TFPI: variants seen among roughly 807,000 people sequenced by gnomAD.
The protein encoded by TFPI is anti-convertin.
TFPI carries 15 observed loss-of-function variants against 34.6 expected under a neutral mutation model. The ratio of observed to expected loss-of-function variants is 0.43; its 90% confidence interval spans 0.29 to 0.67. The LOEUF (loss-of-function observed/expected upper bound fraction) is 0.67, where lower values mean the gene tolerates loss of function less well. Ranked by LOEUF, TFPI falls within the 30% of genes least tolerant of loss-of-function variation. The pLI is 0.15. For synonymous variants in TFPI, 105 were observed against 120.1 expected, an observed-to-expected ratio of 0.87 and a Z score of 0.82; for missense variants, 301 against 364.0, an observed-to-expected ratio of 0.83 and a Z score of 1.41.
chr2:187,485,266 A>G (rs1693179458), intron 4 of TFPI, among the ~76,000 whole-genome samples: 1 of 151,404 alleles, frequency 6.6e-6, no homozygotes, highest in East Asian at 1.9e-4. Flanking sequence ...ACCATGTACC[A>G]CTCTTGCTTT....
At position 187,467,947 on chromosome 2, in the gene TFPI, G is replaced by A. The variant is rs1340002680; in HGVS notation, c.629-15C>T. On this transcript the variant is annotated splice_polypyrimidine_tract_variant and intron_variant, in intron 6 of 7. Transcript: ENST00000233156. ...ACCGTGAAATTCTAAAAACAATCAG[G>A]AAAACATGGTAAGCCATATGTGATA... 1 of 1,557,694 alleles carries A rather than the reference G, an allele frequency of 6.4e-7. No homozygotes were observed. The highest frequency in any genetic ancestry group is 2.3e-5 in the East Asian group (1 of 43,592).
At chr2:187,491,800 T>C (rs1436067557) in intron 3 of TFPI, among the ~76,000 whole-genome samples, 2 of 152,160 alleles carry the variant, frequency 1.3e-5, no homozygotes, top group Non-Finnish European at 2.9e-5. Context: ...ATACAGGTTA[T>C]ACTAATTTAC....
chr2:187,477,363 A>C (rs1459232009), intron 6 of TFPI, among the ~76,000 whole-genome samples: 1 of 152,232 alleles, frequency 6.6e-6, no homozygotes, highest in Admixed American at 6.5e-5. Flanking sequence ...TCTTTAGATT[A>C]TGAGGGATGT....
chr2:187,466,685 G>A lies in TFPI; in HGVS notation c.*251C>T, dbSNP rs1691733285. On this transcript the variant is annotated 3_prime_UTR_variant, in exon 8 of 8. Coordinates refer to ENST00000233156, the MANE Select transcript of TFPI (RefSeq NM_006287.6). ...GTAGTATGATAATTTGTAGTTAAAT[G>A]AAAATACAGATAGATCCAGAAAATA... 1 of 261,156 alleles carries A rather than the reference G, an allele frequency of 3.8e-6. No homozygotes were observed. The highest frequency in any genetic ancestry group is 1.2e-4 in the East Asian group (1 of 8,236). The allele number at this position is 261,156 out of a possible 1,614,324, so 16.2% of individuals were successfully genotyped here. A position where few individuals can be genotyped will look rare whatever the true frequency, so the allele number is the denominator to read the frequency against.
intron 1 of TFPI, among the ~76,000 whole-genome samples, chr2:187,531,609 A>C (rs35935664): frequency 0.23 from 34,893 of 151,958 alleles, 4,170 homozygotes; most frequent in Middle Eastern, 0.29. Context: ...ATAATCGTAC[A>C]AGTTCTATGT....
At chr2:187,497,633 A>C (rs1052507766) in intron 2 of TFPI, among the ~76,000 whole-genome samples, 6 of 151,988 alleles carry the variant, frequency 3.9e-5, no homozygotes, top group Admixed American at 3.3e-4. Flanking sequence ...GGGTTTTAAT[A>C]ATGTTGAAAT....
chr2:187,523,505 G>T (rs1469907384), intron 1 of TFPI, among the ~76,000 whole-genome samples: 1 of 152,022 alleles, frequency 6.6e-6, no homozygotes, highest in African/African-American at 2.4e-5. Context: ...CAGTGAGGTT[G>T]CCTTAAACAT....
chr2:187,533,551 C>T lies in TFPI; in HGVS notation c.-3+20649G>A, dbSNP rs980912847. Among the ~76,000 whole-genome samples, 4 of 152,270 alleles carry T rather than the reference C, an allele frequency of 2.6e-5. No homozygotes were observed. In the East Asian group the frequency reaches 7.7e-4, roughly 29 times the overall value. On this transcript the variant is annotated intron_variant, in intron 1 of 7. Transcript: ENST00000233156. ...CAAAGAGGACATCCACACAGAAACC[C>T]CACACAAACGTCACCAACATCAAAG...
chr2:187,485,362 C>G (rs1693186671), intron 4 of TFPI, among the ~76,000 whole-genome samples: 1 of 151,718 alleles, frequency 6.6e-6, no homozygotes. Flanking sequence ...GGTCTATGAA[C>G]ATTTCAAGCT....
At chr2:187,489,396 G>GTA (rs1253382056) in intron 3 of TFPI, among the ~76,000 whole-genome samples, 2 of 151,224 alleles carry the variant, frequency 1.3e-5, no homozygotes, top group African/African-American at 4.8e-5. Flanking sequence ...GTGTGTGTGT[G>GTA]TGTATATGTA....
chr2:187,531,667 A>G lies in TFPI; in HGVS notation c.-3+22533T>C, dbSNP rs1280845264. Reference sequence around the variant, plus strand: ...TCATCTCTGCAATGGGAAAAATTAAAAAAGGTTTACCAATGCAGTCACCTA... The same window carrying G: ...TCATCTCTGCAATGGGAAAAATTAAGAAAGGTTTACCAATGCAGTCACCTA... On this transcript the variant is annotated intron_variant, in intron 1 of 7. Transcript: ENST00000233156. Among the ~76,000 whole-genome samples the G allele has an allele frequency of 7.2e-5, 11 of 152,306 alleles. No individual in the cohort carries two copies. The South Asian group carries it at 2.1e-3, about 29-fold the overall frequency.
chr2:187,477,761 T>G (rs974117650), intron 6 of TFPI, among the ~76,000 whole-genome samples: 1 of 152,226 alleles, frequency 6.6e-6, no homozygotes, highest in Non-Finnish European at 1.5e-5. Flanking sequence ...AACAAAAATC[T>G]TTTAAAAATG....
chr2:187,527,491 T>C (rs1171234058), intron 1 of TFPI, among the ~76,000 whole-genome samples: 1 of 152,176 alleles, frequency 6.6e-6, no homozygotes, highest in African/African-American at 2.4e-5. Flanking sequence ...GCCGTGTGAC[T>C]GCACATTTGC....
At chr2:187,470,060 CA>C (rs1370637756) in intron 6 of TFPI, among the ~76,000 whole-genome samples, 1 of 152,018 alleles carries the variant, frequency 6.6e-6, no homozygotes, top group Non-Finnish European at 1.5e-5. Context: ...ATTTGAGAAA[CA>C]GAGAAAACAG....
At chr2:187,528,370 T>A (rs989461711) in intron 1 of TFPI, among the ~76,000 whole-genome samples, 1 of 152,194 alleles carries the variant, frequency 6.6e-6, no homozygotes, top group African/African-American at 2.4e-5. Context: ...AGTATTATAT[T>A]TATTTTCCCT....
intron 6 of TFPI, 52 bp from the exon 7 acceptor site, chr2:187,467,984 G>T: frequency 2.1e-6 from 3 of 1,446,654 alleles, no homozygotes; most frequent in East Asian, 2.4e-5. Flanking sequence ...TGGATTTCAG[G>T]TTTTCGTATT....
intron 1 of TFPI, chr2:187,527,119 A>G (rs1194244434): frequency 6.6e-6 from 1 of 152,194 alleles, no homozygotes; most frequent in Non-Finnish European, 1.5e-5. Context: ...TTTACAGCAC[A>G]CTAATACCAA....
chr2:187,511,551 TA>T (rs977226729), intron 1 of TFPI, among the ~76,000 whole-genome samples: 1 of 152,104 alleles, frequency 6.6e-6, no homozygotes, highest in African/African-American at 2.4e-5. Flanking sequence ...AGAAAGGATT[TA>T]AGGGAGATTA....
chr2:187,503,747 C>A lies in TFPI; in HGVS notation c.22G>T (p.Val8Leu). ...CATACAGAAGCCCAAAGTGCATGTA[C>A]TTTCTTCATTGTGTAAATCATCTCT... is the stretch of plus-strand genomic sequence containing the variant. The part of the protein sequence containing the change: MIYTMKK[V>L]HALWASVCLL... The change falls in exon 2 of 8, where the codon GTA becomes TTA. Residue 8 changes from valine to leucine, a missense_variant. Coordinates refer to ENST00000233156, the MANE Select transcript of TFPI (RefSeq NM_006287.6). 1.2e-6 allele frequency: 2 copies of A among 1,612,964 alleles called. No homozygotes were observed. The highest frequency in any genetic ancestry group is 2.2e-5 in the East Asian group (1 of 44,836).
Sources: gnomAD v4.1 joint callset for allele counts (sites outside exome capture counted in the v4.1 genomes callset) on GRCh38, gnomAD v4.1.1 for gene constraint, MANE v1.5 for transcripts, NCBI Gene and HGNC (gene_info 2026-07-23, HGNC 2026-07-21) for gene names.